Variants in SLC25A42 observed in about 807,000 individuals in gnomAD.
SLC25A42 encodes the protein mitochondrial coenzyme A transporter SLC25A42.
A neutral mutation model predicts 34.7 loss-of-function variants in SLC25A42; 19 were observed. The ratio of observed to expected loss-of-function variants is 0.55; its 90% CI spans 0.38 to 0.80. The LOEUF is 0.80. Among genes scored for constraint, SLC25A42 ranks in the 30% least tolerant of loss-of-function variants. The pLI is 0.00. For synonymous variants in SLC25A42, 205 were observed against 191.2 expected (o/e 1.07, Z -0.59); for missense variants, 364 against 441.3 (o/e 0.82, Z 1.57).
rs982865879 is a variant in SLC25A42, at chr19:19,081,650, C to T, written c.-34-14441C>T. 4.6e-5 allele frequency among the ~76,000 whole-genome samples: 7 copies of T among 152,184 alleles called. No individual in the cohort carries two copies. The highest frequency in any genetic ancestry group is 9.7e-5 in the African/African-American group (4 of 41,436). Reference sequence around the variant, plus strand: ...ATCCAAGCCTCCCTGTCCCAGGAAACGACCTCACCACCTCCAGGTCTCAGG... The same window carrying T: ...ATCCAAGCCTCCCTGTCCCAGGAAATGACCTCACCACCTCCAGGTCTCAGG... On this transcript the variant is annotated intron_variant, in intron 1 of 7. Coordinates refer to ENST00000318596, the MANE Select transcript of SLC25A42 (RefSeq NM_178526.5). The surrounding 1 kb of genome is among the most constrained non-coding windows in gnomAD (Gnocchi z 4.5).
At chr19:19,066,654 T>C (rs540136849) in intron 1 of SLC25A42, among the ~76,000 whole-genome samples, 3 of 151,980 alleles carry the variant, frequency 2.0e-5, no homozygotes, top group African/African-American at 7.3e-5. Context: ...GGTTTCACTG[T>C]GTTAGCCAGG....
At chr19:19,105,959 C>T in intron 5 of SLC25A42, 1 of 563,488 alleles carries the variant, frequency 1.8e-6, no homozygotes. Flanking sequence ...CGTTTGTCTC[C>T]AGACGTTTCT....
At chr19:19,070,680 T>G (rs1436620364) in intron 1 of SLC25A42, among the ~76,000 whole-genome samples, 1 of 152,180 alleles carries the variant, frequency 6.6e-6, no homozygotes, top group Non-Finnish European at 1.5e-5. Context: ...CCTTAACTGA[T>G]TGCATCTGCA....
intron 4 of SLC25A42, 98 bp from the exon 5 acceptor site, chr19:19,105,463 G>T: frequency 6.9e-7 from 1 of 1,451,376 alleles, no homozygotes; most frequent in Non-Finnish European, 9.3e-7. Context: ...GGGTCACCCC[G>T]GCCCCGCCTC....
chr19:19,108,281 C>T (rs921331930), intron 7 of SLC25A42, among the ~76,000 whole-genome samples: 76 of 152,228 alleles, frequency 5.0e-4, no homozygotes, highest in African/African-American at 1.6e-3. Context: ...GCTGGTGCCA[C>T]GGCTCGTGCC....
Position 19,095,901 on chromosome 19 carries a change from C to T in SLC25A42, c.-34-190C>T, listed in dbSNP as rs918122030. 2.5e-5 allele frequency: 16 copies of T among 652,866 alleles called. No homozygotes were observed. In the African/African-American group the frequency reaches 2.8e-4, roughly 12 times the overall value. The allele number at this position is 652,866 out of a possible 1,614,324, so 40.4% of individuals were successfully genotyped here. A position where few individuals can be genotyped will look rare whatever the true frequency, so the allele number is the denominator to read the frequency against. On this transcript the variant is annotated intron_variant, in intron 1 of 7. Transcript: ENST00000318596. ...AAGAACAGACTGTTTGTGAGGATTA[C>T]ATTCCAGTACCAACAAGAAAGGCTT...
intron 5 of SLC25A42, 50 bp downstream of exon 5, chr19:19,105,777 CCTCT>C (rs1242006981): frequency 1.4e-6 from 2 of 1,453,830 alleles, no homozygotes; most frequent in Non-Finnish European, 1.8e-6. Flanking sequence ...CACGCCCGCC[CCTCT>C]CTCTTTCTTC....
At chr19:19,065,457 C>G (rs992051230) in intron 1 of SLC25A42, among the ~76,000 whole-genome samples, 2 of 152,116 alleles carry the variant, frequency 1.3e-5, no homozygotes, top group Non-Finnish European at 2.9e-5. Context: ...TTTTTAGTTC[C>G]CTTGAGTCTG....
intron 3 of SLC25A42, among the ~76,000 whole-genome samples, chr19:19,102,133 C>T (rs1009892240): frequency 4.6e-5 from 7 of 151,908 alleles, no homozygotes; most frequent in East Asian, 1.9e-4. Flanking sequence ...CTCAGCCTCC[C>T]GAGTAGCTGG....
intron 1 of SLC25A42, among the ~76,000 whole-genome samples, chr19:19,065,175 G>A (rs1348672352): frequency 6.6e-6 from 1 of 152,112 alleles, no homozygotes; most frequent in East Asian, 1.9e-4. Flanking sequence ...CGTGTGTCTC[G>A]GAGTCCTGGG....
rs1599695412 is a variant in SLC25A42 at position 19,110,886 on chromosome 19, A to C, written c.*10A>C. On this transcript the variant is annotated 3_prime_UTR_variant, in exon 8 of 8. Transcript: ENST00000318596. The stretch of plus-strand genomic sequence containing the variant: ...GCACCTGCAGAGCTAGGGGACCCTG[A>C]GCTGCTCTCAGGACGGTGGACCGGT... 6.2e-7 allele frequency: 1 copy of C among 1,613,432 alleles called. No homozygotes were observed.
chr19:19,073,705 G>A (rs972640818), intron 1 of SLC25A42, among the ~76,000 whole-genome samples: 1 of 151,876 alleles, frequency 6.6e-6, no homozygotes, highest in African/African-American at 2.4e-5. Context: ...CTCCCGAATA[G>A]CTGGGATTAC....
rs150793512 is a variant in SLC25A42 at position 19,095,650 on chromosome 19, G to A, written c.-34-441G>A. The stretch of plus-strand genomic sequence containing the variant: ...AAATAAAAAATAAAGTATTTTGGTG[G>A]ACAGAGACCCTCGGGTCCGAGCTGA... On this transcript the variant is annotated intron_variant, in intron 1 of 7. Coordinates refer to ENST00000318596, the MANE Select transcript of SLC25A42 (RefSeq NM_178526.5). 2.9e-3 allele frequency among the ~76,000 whole-genome samples: 438 copies of A among 152,312 alleles called. 3 individuals carry two copies. The highest frequency in any genetic ancestry group is 4.9e-3 in the Non-Finnish European group (330 of 68,034).
rs1456688660 is a variant in SLC25A42 at position 19,066,499 on chromosome 19, A to T, written c.-35+2384A>T. Reference sequence around the variant, plus strand: ...ATTCTTGCTCTGTCGCCCAGGCTGGAGTGCAGTGGCGCGATCTCGGCTCAC... The same window carrying T: ...ATTCTTGCTCTGTCGCCCAGGCTGGTGTGCAGTGGCGCGATCTCGGCTCAC... On this transcript the variant is annotated intron_variant, in intron 1 of 7. Transcript: ENST00000318596. 5.5e-5 allele frequency among the ~76,000 whole-genome samples: 8 copies of T among 144,542 alleles called. 1 individual carries two copies. In the Admixed American group the frequency reaches 5.7e-4, roughly 10 times the overall value. The allele number at this position is 144,542 out of a possible 152,430, so 94.8% of individuals were successfully genotyped here.
rs375317030 is a variant in SLC25A42 at position 19,096,086 on chromosome 19, C to T, written c.-34-5C>T. 1.9e-6 allele frequency: 3 copies of T among 1,582,974 alleles called. No homozygotes were observed. Among genetic ancestry groups the T allele is most frequent in the Non-Finnish European group, 2.6e-6 (3 of 1,152,404 alleles). On this transcript the variant is annotated splice_region_variant and splice_polypyrimidine_tract_variant and intron_variant, in intron 1 of 7. Coordinates refer to ENST00000318596, the MANE Select transcript of SLC25A42 (RefSeq NM_178526.5). ...GTATCTTACCACCTCCCCTTACCCCCCCAGGACCGAGTCTCCTGCCATTCC... is the reference window on the plus strand; with the variant it reads ...GTATCTTACCACCTCCCCTTACCCCTCCAGGACCGAGTCTCCTGCCATTCC...
At chr19:19,066,155 C>T (rs951427780) in intron 1 of SLC25A42, among the ~76,000 whole-genome samples, 3 of 152,184 alleles carry the variant, frequency 2.0e-5, no homozygotes, top group Admixed American at 1.3e-4. Flanking sequence ...CCACACCCGG[C>T]CTATTATATA....
chr19:19,069,390 A>G (rs1276140120), intron 1 of SLC25A42, among the ~76,000 whole-genome samples: 1 of 152,174 alleles, frequency 6.6e-6, no homozygotes, highest in Non-Finnish European at 1.5e-5. Context: ...ATCCCTGCAT[A>G]TTCGTTTCCC....
chr19:19,099,782 T>C (rs1008869029), intron 2 of SLC25A42, among the ~76,000 whole-genome samples: 5 of 152,018 alleles, frequency 3.3e-5, no homozygotes, highest in Admixed American at 1.3e-4. Flanking sequence ...GTCTGGAGAA[T>C]AGTGGTGCAA....
intron 3 of SLC25A42, 114 bp downstream of exon 3, chr19:19,102,000 T>C: frequency 1.4e-6 from 1 of 694,334 alleles, no homozygotes; most frequent in Non-Finnish European, 2.3e-6. Flanking sequence ...ATTTTAGAAA[T>C]AAGGTTTTTT....
Sources: allele counts gnomAD v4.1 joint callset (sites outside exome capture counted in the v4.1 genomes callset), GRCh38; gene constraint gnomAD v4.1.1; non-coding constraint Gnocchi (gnomAD v3.1); transcripts MANE v1.5; gene names NCBI Gene and HGNC (gene_info 2026-07-23, HGNC 2026-07-21).